Variants in ASB3 observed in about 807,000 individuals in gnomAD.
ASB3 encodes ankyrin repeat and SOCS box containing 3.
A neutral mutation model predicts 54.5 loss-of-function variants in ASB3; 41 were observed. That is an observed-to-expected ratio of 0.75 (90% CI 0.59 to 0.98). The LOEUF (loss-of-function observed/expected upper bound fraction) is 0.98, where lower values mean the gene tolerates loss of function less well. Ranked by LOEUF, ASB3 falls within the 50% of genes least tolerant of loss-of-function variation. The pLI is 0.00. For missense variants in ASB3, 733 were observed against 620.0 expected (o/e 1.18, Z -1.94); for synonymous variants, 266 against 221.2 (o/e 1.20, Z -1.80).
chr2:53,670,763 T>C (rs532245771), intron 9 of ASB3, 73 bp from the exon 10 acceptor site: 1 of 1,494,850 alleles, frequency 6.7e-7, no homozygotes, highest in African/African-American at 1.4e-5. Context: ...GGTAAATTTT[T>C]TTTTCCCCCA....
chr2:53,762,112 G>C (rs1416728706), intron 2 of ASB3, among the ~76,000 whole-genome samples: 1 of 152,164 alleles, frequency 6.6e-6, no homozygotes, highest in Non-Finnish European at 1.5e-5. Flanking sequence ...GAGAAGATCT[G>C]TTAAGATGCT....
chr2:53,737,503 G>C (rs979386138), intron 3 of ASB3, among the ~76,000 whole-genome samples: 38 of 152,114 alleles, frequency 2.5e-4, no homozygotes, highest in African/African-American at 8.9e-4. Context: ...ACAAGGTAAG[G>C]CAAATAAAAA....
intron 3 of ASB3, among the ~76,000 whole-genome samples, chr2:53,741,311 A>C (rs1313190883): frequency 6.6e-6 from 1 of 152,260 alleles, no homozygotes; most frequent in Non-Finnish European, 1.5e-5. Flanking sequence ...ATAGCCACAA[A>C]GGCATGGCAT....
chr2:53,697,864 C>G lies in ASB3; in HGVS notation c.1238+2407G>C, dbSNP rs151110149. Among the ~76,000 whole-genome samples the G allele has an allele frequency of 3.4e-4, 52 of 152,284 alleles. No homozygotes were observed. The East Asian group carries it at 8.7e-3, about 25-fold the overall frequency. ...CCCCTATGACTTTGCTAGGCTCAGT[C>G]CCACCCCTATGGCGCCCCTATGGCT... On this transcript the variant is annotated intron_variant, in intron 8 of 9. Coordinates refer to ENST00000263634, the MANE Select transcript of ASB3 (RefSeq NM_016115.5).
intron 3 of ASB3, among the ~76,000 whole-genome samples, chr2:53,747,987 C>G (rs533411499): frequency 6.6e-6 from 1 of 152,264 alleles, no homozygotes; most frequent in Admixed American, 6.5e-5. Flanking sequence ...GTTTTCTACC[C>G]AAAACACAGA....
At chr2:53,709,582 C>A (rs572885932) in intron 7 of ASB3, among the ~76,000 whole-genome samples, 2 of 152,192 alleles carry the variant, frequency 1.3e-5, no homozygotes, top group African/African-American at 2.4e-5. Flanking sequence ...GATATTTGTA[C>A]AAAATAAAAT....
intron 8 of ASB3, 68 bp from the exon 9 acceptor site, chr2:53,694,082 C>T: frequency 1.3e-6 from 2 of 1,547,146 alleles, no homozygotes; most frequent in Non-Finnish European, 1.8e-6. Context: ...TTGAAACAAA[C>T]ACCACATACC....
At chr2:53,742,989 A>G (rs1032128837) in intron 3 of ASB3, among the ~76,000 whole-genome samples, 1 of 152,174 alleles carries the variant, frequency 6.6e-6, no homozygotes, top group Non-Finnish European at 1.5e-5. Context: ...AAGCAAAAGT[A>G]TTGTCACAAA....
chr2:53,779,921 A>T (rs919432533), intron 1 of ASB3, among the ~76,000 whole-genome samples: 7 of 152,236 alleles, frequency 4.6e-5, no homozygotes, highest in African/African-American at 1.7e-4. Flanking sequence ...TAACAAAGTC[A>T]AAATGAAGTT....
At chr2:53,682,445 G>A (rs998909992) in intron 9 of ASB3, among the ~76,000 whole-genome samples, 1 of 151,890 alleles carries the variant, frequency 6.6e-6, no homozygotes, top group Admixed American at 6.6e-5. Flanking sequence ...TTGTAAATGA[G>A]ATTAATTTTT....
intron 6 of ASB3, 145 bp from the exon 7 acceptor site, chr2:53,714,726 A>G: frequency 1.3e-6 from 1 of 745,308 alleles, no homozygotes; most frequent in South Asian, 1.9e-5. Flanking sequence ...TCTACCAACA[A>G]CATTAAACTA....
At chr2:53,785,688 C>G (rs1674927353) in intron 1 of ASB3, among the ~76,000 whole-genome samples, 1 of 152,140 alleles carries the variant, frequency 6.6e-6, no homozygotes, top group African/African-American at 2.4e-5. Context: ...ACTAAAAATA[C>G]AAAAATTAGG....
chr2:53,768,113 T>A, intron 1 of ASB3: 1 of 1,449,536 alleles, frequency 6.9e-7, no homozygotes, highest in Non-Finnish European at 9.4e-7. Context: ...GAACCACACC[T>A]TAGCGCTTCA....
At chr2:53,672,147 T>C (rs1200905729) in intron 9 of ASB3, among the ~76,000 whole-genome samples, 3 of 152,208 alleles carry the variant, frequency 2.0e-5, no homozygotes, top group Admixed American at 6.5e-5. Flanking sequence ...ATTAAAGAAA[T>C]CACTCAAACT....
At chr2:53,697,845 T>A (rs758045037) in intron 8 of ASB3, among the ~76,000 whole-genome samples, 1 of 152,158 alleles carries the variant, frequency 6.6e-6, no homozygotes, top group Non-Finnish European at 1.5e-5. Context: ...TCCACCCCTA[T>A]GACTTTGCTA....
At chr2:53,771,934 G>A in intron 1 of ASB3, 1 of 1,556,430 alleles carries the variant, frequency 6.4e-7, no homozygotes, top group Non-Finnish European at 8.7e-7. Flanking sequence ...TCTTGTTGAA[G>A]ATCCTGCGGT....
rs775469989 is a variant in ASB3, at chr2:53,700,563, AGTT to A, written c.981-38_981-36del. ...AAAAAATAAAAACAAAAAAAGAAGA[AGTT>A]AGACTTTGACATAAGATACTTCTTA... On this transcript the variant is annotated intron_variant, in intron 7 of 9. Transcript: ENST00000263634. The A allele has an allele frequency of 5.1e-6, 8 of 1,570,666 alleles. No individual in the cohort carries two copies. The Admixed American group carries it at 1.6e-4, about 32-fold the overall frequency.
chr2:53,735,307 A>T (rs1671560964), intron 3 of ASB3, among the ~76,000 whole-genome samples: 1 of 152,064 alleles, frequency 6.6e-6, no homozygotes, highest in African/African-American at 2.4e-5. Context: ...TCCTAACTGA[A>T]CTTTCCCTCA....
intron 7 of ASB3, among the ~76,000 whole-genome samples, chr2:53,709,959 T>C (rs1388625985): frequency 1.3e-5 from 2 of 152,218 alleles, no homozygotes; most frequent in African/African-American, 4.8e-5. Flanking sequence ...GGGAGGCTTT[T>C]ATAGAGAGAA....
Sources: allele counts gnomAD v4.1 joint callset (sites outside exome capture counted in the v4.1 genomes callset), GRCh38; gene constraint gnomAD v4.1.1; transcripts MANE v1.5; gene names NCBI Gene and HGNC (gene_info 2026-07-23, HGNC 2026-07-21).